The following NSD2 variants were observed in gnomAD, a reference collection of about 807,000 sequenced individuals.
NSD2 encodes nuclear receptor binding SET domain protein 2.
In NSD2, 12 loss-of-function variants were observed where a neutral mutation model predicts 139.0. That is an observed-to-expected ratio of 0.09 (90% CI 0.06 to 0.14). The LOEUF is 0.14. Among genes scored for constraint, NSD2 ranks in the 10% least tolerant of loss-of-function variants. The probability of loss-of-function intolerance (pLI) is 1.00; values close to 1 mark genes in which losing one functional copy is unlikely to be tolerated. For missense variants in NSD2, 1,155 were observed against 1,745.0 expected, an observed-to-expected ratio of 0.66 and a Z score of 6.02; for synonymous variants, 669 against 648.7, an observed-to-expected ratio of 1.03 and a Z score of -0.48.
rs554604140 is a variant in NSD2, at chr4:1,961,212, C to T, written c.3372+61C>T. Reference sequence around the variant, plus strand: ...GCTGGACCTGGAGCCCTGATGGTCACCTGTAGAACTGGACTTTGCCCTGTG... The same window carrying T: ...GCTGGACCTGGAGCCCTGATGGTCATCTGTAGAACTGGACTTTGCCCTGTG... On this transcript the variant is annotated intron_variant, in intron 18 of 21. Transcript: ENST00000508803. 111 of 1,384,564 alleles carry T rather than the reference C, an allele frequency of 8.0e-5. 1 individual carries two copies. The South Asian group carries it at 1.4e-3, about 17-fold the overall frequency. The allele number at this position is 1,384,564 out of a possible 1,614,324, so 85.8% of individuals were successfully genotyped here.
intron 9 of NSD2, chr4:1,941,825 A>G (rs1723130446): frequency 9.5e-7 from 1 of 1,053,578 alleles, no homozygotes; most frequent in South Asian, 4.6e-5. Flanking sequence ...CTTGTCTATT[A>G]TATATTAACG....
In NSD2 at chr4:1,942,430, C is replaced by G; in HGVS notation, c.1881+2652C>G. On this transcript the variant is annotated intron_variant, in intron 9 of 21. Coordinates refer to ENST00000508803, the MANE Select transcript of NSD2 (RefSeq NM_001042424.3). The surrounding 1 kb of genome is among the most constrained non-coding windows in gnomAD (Gnocchi z 4.0). ...GATGTAATATTCCAGGATGCTGCTG[C>G]AGGTGGCGTATCATCGTACACACTC... is the stretch of plus-strand genomic sequence containing the variant. 3.1e-6 allele frequency: 5 copies of G among 1,602,374 alleles called. No individual in the cohort carries two copies. Among genetic ancestry groups the G allele is most frequent in the Non-Finnish European group, 4.3e-6 (5 of 1,175,872 alleles).
At chr4:1,914,661 G>C (rs1377745973) in intron 3 of NSD2, among the ~76,000 whole-genome samples, 15 of 152,172 alleles carry the variant, frequency 9.9e-5, no homozygotes, top group Non-Finnish European at 1.8e-4. Context: ...ACACTTGATT[G>C]ATGGTTTGAC....
At chr4:1,922,612 AG>A (rs1225372297) in intron 5 of NSD2, among the ~76,000 whole-genome samples, 1 of 152,176 alleles carries the variant, frequency 6.6e-6, no homozygotes, top group Non-Finnish European at 1.5e-5. Flanking sequence ...TCTACCAGAT[AG>A]GAAGTTATCT....
In NSD2 at chr4:1,948,553, G is replaced by T. The variant is rs1723879645; in HGVS notation, c.1882-2519G>T. The T allele has an allele frequency of 9.4e-6, 10 of 1,064,524 alleles. No individual in the cohort carries two copies. In the South Asian group the frequency reaches 3.6e-4, roughly 39 times the overall value. The allele number at this position is 1,064,524 out of a possible 1,614,324, so 65.9% of individuals were successfully genotyped here. A position where few individuals can be genotyped will look rare whatever the true frequency, so the allele number is the denominator to read the frequency against. On this transcript the variant is annotated intron_variant, in intron 9 of 21. Transcript: ENST00000508803. The surrounding 1 kb of genome is among the most constrained non-coding windows in gnomAD (Gnocchi z 4.5). ...TAGTTGTCTGTCCGGTGGCTGGGAG[G>T]GGGTGTGGTGGGAAAAAGTCGGAAT...
Position 1,942,457 on chromosome 4 carries a change from G to A in NSD2, c.1881+2679G>A, listed in dbSNP as rs1723196750. 3.2e-6 allele frequency: 5 copies of A among 1,561,594 alleles called. No individual in the cohort carries two copies. Among genetic ancestry groups the A allele is most frequent in the Non-Finnish European group, 4.3e-6 (5 of 1,154,086 alleles). ...GGTGGCGTATCATCGTACACACTCA[G>A]TGACATTTCTATCACAATCATTTTA... On this transcript the variant is annotated intron_variant, in intron 9 of 21. Transcript: ENST00000508803. This position sits in a 1 kb window ranked among gnomAD's most constrained non-coding sequence, Gnocchi z 4.0.
chr4:1,872,146 G>A (rs1178451390), intron 1 of NSD2, among the ~76,000 whole-genome samples: 1 of 152,020 alleles, frequency 6.6e-6, no homozygotes, highest in Non-Finnish European at 1.5e-5. Context: ...GGTCAGCGCG[G>A]ACGCTCCCCC....
At chr4:1,920,821 C>A (rs762336879) in intron 5 of NSD2, among the ~76,000 whole-genome samples, 2 of 151,350 alleles carry the variant, frequency 1.3e-5, no homozygotes, top group South Asian at 2.1e-4. Context: ...ATTGCTTGAG[C>A]CCATGAGTTT....
rs1727139942 is a variant in NSD2, at chr4:1,976,867, T to C, written c.3826+188T>C. Among the ~76,000 whole-genome samples the C allele has an allele frequency of 6.6e-6, 1 of 152,236 alleles. No individual in the cohort carries two copies. ...TTCCACCAGCCGCACATTCTAGATC[T>C]CTGCATCGAGCAGAGAAGATATGTG... On this transcript the variant is annotated intron_variant, in intron 21 of 21. Transcript: ENST00000508803. This position sits in a 1 kb window ranked among gnomAD's most constrained non-coding sequence, Gnocchi z 5.3.
intron 19 of NSD2, 31 bp downstream of exon 19, chr4:1,975,035 C>T (rs1191519568): frequency 1.9e-6 from 3 of 1,613,372 alleles, no homozygotes; most frequent in Non-Finnish European, 2.5e-6. Flanking sequence ...GCATGGGGCT[C>T]CTGGCTATGG....
At chr4:1,912,766 A>T (rs1463853111) in intron 3 of NSD2, among the ~76,000 whole-genome samples, 2 of 151,654 alleles carry the variant, frequency 1.3e-5, no homozygotes, top group African/African-American at 4.9e-5. Flanking sequence ...CTTCCCTTGG[A>T]GCTCTCTCCT....
chr4:1,971,157 G>A (rs982884851), intron 18 of NSD2, among the ~76,000 whole-genome samples: 4 of 152,108 alleles, frequency 2.6e-5, no homozygotes, highest in African/African-American at 7.2e-5. Flanking sequence ...TCTGGAGTTC[G>A]AGACCAGCCT....
chr4:1,975,177 A>G (rs562507876), intron 19 of NSD2, 117 bp from the exon 20 acceptor site: 1 of 1,392,344 alleles, frequency 7.2e-7, no homozygotes, highest in South Asian at 1.3e-5. Context: ...GCCATGGGTC[A>G]AGCCAGTACA....
At chr4:1,893,557 T>G (rs1036643094) in intron 1 of NSD2, among the ~76,000 whole-genome samples, 46 of 147,000 alleles carry the variant, frequency 3.1e-4, no homozygotes, top group South Asian at 8.4e-4. Flanking sequence ...TTTTTTTTTT[T>G]TTGTTTTGTT....
chr4:1,929,014 G>A (rs577710904), intron 5 of NSD2, among the ~76,000 whole-genome samples: 1 of 152,264 alleles, frequency 6.6e-6, no homozygotes, highest in East Asian at 1.9e-4. Context: ...CACTGGTGGA[G>A]TGCTGGGGGT....
intron 19 of NSD2, 72 bp from the exon 20 acceptor site, chr4:1,975,222 A>G: frequency 6.7e-7 from 1 of 1,490,088 alleles, no homozygotes; most frequent in Non-Finnish European, 9.3e-7. Context: ...TTGTTGACCT[A>G]ATACACGCCC....
intron 9 of NSD2, chr4:1,947,801 A>C: frequency 9.5e-7 from 1 of 1,048,230 alleles, no homozygotes; most frequent in Non-Finnish European, 1.2e-6. Context: ...CTGTAATTGT[A>C]TTTCAAAAAC....
chr4:1,937,383 C>CTTTATACTT (rs1722526766), intron 7 of NSD2, among the ~76,000 whole-genome samples: 4 of 152,090 alleles, frequency 2.6e-5, no homozygotes, highest in African/African-American at 4.8e-5. Flanking sequence ...CAGCCCTTTG[C>CTTTATACTT]TGGCAATCAT....
At chr4:1,977,790 C>CA (rs111398358) in intron 21 of NSD2, among the ~76,000 whole-genome samples, 4,681 of 95,880 alleles carry the variant, frequency 0.049, 129 homozygotes, top group African/African-American at 0.097. Context: ...AGACTCCACT[C>CA]AAAAAAAAAA....
Sources: allele counts gnomAD v4.1 joint callset (sites outside exome capture counted in the v4.1 genomes callset), GRCh38; gene constraint gnomAD v4.1.1; non-coding constraint Gnocchi (gnomAD v3.1); transcripts MANE v1.5; gene names NCBI Gene and HGNC (gene_info 2026-07-23, HGNC 2026-07-21).